Variants in LRRC40 observed in about 807,000 individuals in gnomAD.
LRRC40 encodes the protein leucine rich repeat containing 40.
Under a neutral mutation model 72.8 loss-of-function variants are expected in LRRC40, and 76 were observed. The ratio of observed to expected loss-of-function variants is 1.04; its 90% CI spans 0.87 to 1.26. LRRC40 has a LOEUF of 1.26. Ranked by LOEUF, LRRC40 falls within the 50% of genes most tolerant of loss-of-function variation. LRRC40 has a pLI of 0.00. For synonymous variants in LRRC40, 243 were observed against 254.2 expected (o/e 0.96, Z 0.42); for missense variants, 684 against 698.9 (o/e 0.98, Z 0.24).
At chr1:70,182,047 A>T (rs1668258268) in intron 4 of LRRC40, among the ~76,000 whole-genome samples, 1 of 152,030 alleles carries the variant, frequency 6.6e-6, no homozygotes, top group Non-Finnish European at 1.5e-5. Context: ...CAATTCATTT[A>T]ATCTAACAGT....
chr1:70,205,239 T>C, intron 1 of LRRC40, 151 bp downstream of exon 1: 1 of 697,438 alleles, frequency 1.4e-6, no homozygotes, highest in South Asian at 3.5e-5. Context: ...ACCAAACCGG[T>C]CGAAATGAGC....
intron 10 of LRRC40, among the ~76,000 whole-genome samples, chr1:70,156,668 C>G (rs994281774): frequency 1.5e-4 from 23 of 152,184 alleles, no homozygotes; most frequent in African/African-American, 5.3e-4. Context: ...TTTTTTCAAT[C>G]TGATAACAAG....
At chr1:70,181,279 G>C (rs1043035667) in intron 4 of LRRC40, 70 bp from the exon 5 acceptor site, 4 of 998,286 alleles carry the variant, frequency 4.0e-6, no homozygotes, top group African/African-American at 1.7e-5. Flanking sequence ...CCCTAAAAAG[G>C]ATTTCAAATT....
chr1:70,165,020 T>C (rs753193190), intron 9 of LRRC40, among the ~76,000 whole-genome samples: 22 of 152,162 alleles, frequency 1.4e-4, no homozygotes, highest in Non-Finnish European at 2.6e-4. Context: ...GAAATTGTGA[T>C]CCTCAAAACA....
At chr1:70,146,075 A>AT (rs1421629413) in intron 14 of LRRC40, among the ~76,000 whole-genome samples, 170 bp from the exon 15 acceptor site, 2 of 152,168 alleles carry the variant, frequency 1.3e-5, no homozygotes, top group Admixed American at 1.3e-4. Flanking sequence ...CCCAGCCTGA[A>AT]GTGCAGAGGT....
At chr1:70,152,596 T>TGA in intron 11 of LRRC40, 53 bp from the exon 12 acceptor site, 1 of 906,302 alleles carries the variant, frequency 1.1e-6, no homozygotes, top group Non-Finnish European at 1.8e-6. Flanking sequence ...TGCCAGAACT[T>TGA]CAAAACTGTA....
intron 14 of LRRC40, chr1:70,147,247 T>C (rs1667329666): frequency 6.6e-6 from 1 of 152,208 alleles, no homozygotes; most frequent in Non-Finnish European, 1.5e-5. Context: ...TCTTATACTG[T>C]AAACGGGTCA....
intron 9 of LRRC40, among the ~76,000 whole-genome samples, chr1:70,163,415 T>C (rs1234804815): frequency 6.6e-6 from 1 of 152,132 alleles, no homozygotes; most frequent in South Asian, 2.1e-4. Context: ...AAGAATCTGA[T>C]TCCTTGCCCT....
At chr1:70,163,440 A>G (rs1009847864) in intron 9 of LRRC40, among the ~76,000 whole-genome samples, 2 of 152,126 alleles carry the variant, frequency 1.3e-5, no homozygotes, top group African/African-American at 4.8e-5. Flanking sequence ...AACTTCTAGT[A>G]GCCACCTCAT....
chr1:70,202,621 A>G (rs1010644951), intron 1 of LRRC40, among the ~76,000 whole-genome samples: 2 of 152,214 alleles, frequency 1.3e-5, no homozygotes, highest in Non-Finnish European at 2.9e-5. Flanking sequence ...GATATACGAC[A>G]TGCATTTGTC....
chr1:70,189,915 T>C (rs2100331936), intron 1 of LRRC40, among the ~76,000 whole-genome samples: 1 of 152,336 alleles, frequency 6.6e-6, no homozygotes, highest in Middle Eastern at 3.4e-3. Flanking sequence ...TGCTTTCTAT[T>C]AACATTTGGG....
chr1:70,204,309 T>A (rs1024549684), intron 1 of LRRC40, among the ~76,000 whole-genome samples: 1 of 152,188 alleles, frequency 6.6e-6, no homozygotes, highest in South Asian at 2.1e-4. Context: ...AACCTTTTGG[T>A]TGGAGGGCAG....
chr1:70,168,908 G>C (rs1165294308), intron 9 of LRRC40, among the ~76,000 whole-genome samples: 4 of 152,144 alleles, frequency 2.6e-5, no homozygotes, highest in African/African-American at 9.7e-5. Flanking sequence ...ATGAGCTGTA[G>C]ATAAAGCCAT....
chr1:70,205,200 G>A (rs972261502), intron 1 of LRRC40, among the ~76,000 whole-genome samples, 190 bp downstream of exon 1: 3 of 152,146 alleles, frequency 2.0e-5, no homozygotes, highest in Non-Finnish European at 4.4e-5. Flanking sequence ...AGAGATTGCG[G>A]GAACCTGGGA....
intron 4 of LRRC40, among the ~76,000 whole-genome samples, chr1:70,182,548 A>G (rs74085999): frequency 0.092 from 14,010 of 151,946 alleles, 818 homozygotes; most frequent in East Asian, 0.3. Context: ...AACTTAATTC[A>G]GAAATTGTCA....
At chr1:70,173,413 C>A in intron 9 of LRRC40, 52 bp downstream of exon 9, 1 of 1,307,850 alleles carries the variant, frequency 7.6e-7, no homozygotes, top group Non-Finnish European at 1.1e-6. Flanking sequence ...ACTATTAATT[C>A]TTCACCACTT....
At position 70,145,028 on chromosome 1, in the gene LRRC40, AT is replaced by A. The variant is rs1667249847; in HGVS notation, c.*771del. 1 of 150,876 alleles carries A rather than the reference AT, an allele frequency of 6.6e-6. No homozygotes were observed. The highest frequency in any genetic ancestry group is 2.1e-4 in the South Asian group (1 of 4,722). The allele number at this position is 150,876 out of a possible 1,614,324, so 9.3% of individuals were successfully genotyped here. A position where few individuals can be genotyped will look rare whatever the true frequency, so the allele number is the denominator to read the frequency against. On this transcript the variant is annotated 3_prime_UTR_variant, in exon 15 of 15. Transcript: ENST00000370952. Reference sequence around the variant, plus strand: ...TAATTTTGGTGTAAACAAAAATGATATTTAATTTTTATTAAATCAAGTTTAC... The same window carrying A: ...TAATTTTGGTGTAAACAAAAATGATATTAATTTTTATTAAATCAAGTTTAC...
intron 9 of LRRC40, among the ~76,000 whole-genome samples, chr1:70,163,278 G>A (rs973504413): frequency 2.6e-5 from 4 of 151,978 alleles, no homozygotes; most frequent in Non-Finnish European, 4.4e-5. Context: ...TAGTAGATAC[G>A]GGGTTTCATC....
chr1:70,153,186 C>T (rs537902058), intron 11 of LRRC40, among the ~76,000 whole-genome samples: 127 of 152,142 alleles, frequency 8.3e-4, no homozygotes, highest in Non-Finnish European at 1.4e-3. Flanking sequence ...CATGGTGAAA[C>T]TCCGCCTCTA....
Sources: allele counts gnomAD v4.1 joint callset (sites outside exome capture counted in the v4.1 genomes callset), GRCh38; gene constraint gnomAD v4.1.1; transcripts MANE v1.5; gene names NCBI Gene and HGNC (gene_info 2026-07-23, HGNC 2026-07-21).